Variants in SYT12 observed in about 807,000 individuals in gnomAD.
SYT12 encodes the protein synaptotagmin 12.
Under a neutral mutation model 39.5 loss-of-function variants are expected in SYT12, and 27 were observed. The ratio of observed to expected loss-of-function variants is 0.68; its 90% CI spans 0.50 to 0.94. The LOEUF (loss-of-function observed/expected upper bound fraction) is 0.94. SYT12 is among the 40% of genes least tolerant of loss of function. SYT12 has a pLI of 0.00. For synonymous variants in SYT12, 233 were observed against 239.7 expected (o/e 0.97, Z 0.26); for missense variants, 536 against 572.6 (o/e 0.94, Z 0.65).
At position 67,040,159 on chromosome 11, in the gene SYT12, C is replaced by G; in HGVS notation, c.577C>G (p.Arg193Gly). 1 of 1,599,582 alleles carries G rather than the reference C, an allele frequency of 6.3e-7. No individual in the cohort carries two copies. Residue 193 changes from arginine to glycine, a missense_variant, in exon 4 of 8, where the codon CGC becomes GGC. Arg to Gly is a moderately radical substitution (Grantham distance 125, BLOSUM62 -2). Transcript: ENST00000527043. ...EEASFESCFM[R>G]VSLLPDEQIV... ...GGCCAGCTTCGAGTCCTGCTTCATG[C>G]GCGTCAGCCTGCTGCCGGACGAGCA...
At chr11:67,047,803 T>C (rs1384055577) in intron 7 of SYT12, among the ~76,000 whole-genome samples, 2 of 131,890 alleles carry the variant, frequency 1.5e-5, no homozygotes, top group East Asian at 4.7e-4. Context: ...TTTTTTTTTT[T>C]TTGAGACGGA....
At chr11:67,038,606 G>A (rs908850077) in intron 3 of SYT12, among the ~76,000 whole-genome samples, 1 of 152,184 alleles carries the variant, frequency 6.6e-6, no homozygotes, top group Non-Finnish European at 1.5e-5. Context: ...GGGACACTTA[G>A]ATTGCTAGCT....
intron 3 of SYT12, among the ~76,000 whole-genome samples, chr11:67,035,595 C>G (rs1361942567): frequency 6.7e-6 from 1 of 148,808 alleles, no homozygotes; most frequent in South Asian, 2.1e-4. Flanking sequence ...GTAGCTGGGA[C>G]TACAGGCACC....
At chr11:67,010,928 A>C (rs568942402) in exon 3 of SYT12, 5 of 152,336 alleles carry the variant, frequency 3.3e-5, no homozygotes, top group African/African-American at 1.2e-4. Flanking sequence ...TTTCTCCTAA[A>C]GGCCTCAACC....
At chr11:67,017,601 C>G (rs1009914278) in intron 3 of SYT12, among the ~76,000 whole-genome samples, 4 of 147,346 alleles carry the variant, frequency 2.7e-5, no homozygotes, top group Non-Finnish European at 6.0e-5. Flanking sequence ...ACCTTGTGAT[C>G]TGCCTGCCTC....
In SYT12 at chr11:67,048,985, G is replaced by A. The variant is rs1854666210; in HGVS notation, c.*228G>A. On this transcript the variant is annotated 3_prime_UTR_variant, in exon 8 of 8. Transcript: ENST00000527043. ...CCTGCTGAGGACCAGCTGTGGCTGG[G>A]CCAGGACAGAGGACTCAACCCTGCT... 3.9e-6 allele frequency: 2 copies of A among 507,038 alleles called. No homozygotes were observed. The highest frequency in any genetic ancestry group is 6.8e-5 in the South Asian group (2 of 29,246). The allele number at this position is 507,038 out of a possible 1,614,324, so 31.4% of individuals were successfully genotyped here. A position where few individuals can be genotyped will look rare whatever the true frequency, so the allele number is the denominator to read the frequency against.
At chr11:67,016,510 G>A (rs748984270) in intron 3 of SYT12, among the ~76,000 whole-genome samples, 3 of 152,102 alleles carry the variant, frequency 2.0e-5, no homozygotes, top group South Asian at 2.1e-4. Flanking sequence ...ATCACTTCTC[G>A]GCCAGTTTAC....
chr11:67,028,665 G>A (rs925025565), intron 1 of SYT12: 2 of 152,238 alleles, frequency 1.3e-5, no homozygotes, highest in African/African-American at 2.4e-5. Context: ...AGGATGCTCC[G>A]AGGGGTTGGG....
At chr11:67,040,674 C>T (rs1319531642) in intron 4 of SYT12, among the ~76,000 whole-genome samples, 1 of 151,416 alleles carries the variant, frequency 6.6e-6, no homozygotes, top group African/African-American at 2.4e-5. Flanking sequence ...CCCATCTCTA[C>T]TAAAATACAA....
chr11:67,011,387 C>T (rs1591348191), intron 3 of SYT12, among the ~76,000 whole-genome samples: 1 of 152,180 alleles, frequency 6.6e-6, no homozygotes, highest in African/African-American at 2.4e-5. Context: ...GGATTACAGG[C>T]GCGTGCCACC....
intron 4 of SYT12, among the ~76,000 whole-genome samples, chr11:67,042,005 T>C (rs1440509697): frequency 6.6e-6 from 1 of 152,154 alleles, no homozygotes; most frequent in African/African-American, 2.4e-5. Context: ...GGATAGCCTG[T>C]GAGCAGAGTG....
intron 2 of SYT12, among the ~76,000 whole-genome samples, chr11:67,033,142 C>T (rs1261420812): frequency 1.3e-5 from 2 of 151,470 alleles, no homozygotes; most frequent in Admixed American, 6.6e-5. Context: ...CCCCGGGTCC[C>T]CTCCCTCCCT....
At chr11:67,017,142 C>T (rs988421291) in intron 3 of SYT12, among the ~76,000 whole-genome samples, 2 of 152,132 alleles carry the variant, frequency 1.3e-5, no homozygotes, top group African/African-American at 4.8e-5. Context: ...GCATTTAGCT[C>T]AAGGAAGGAA....
rs151042933 is a variant in SYT12 at position 67,029,978 on chromosome 11, T to G, written c.-23-144T>G. The G allele has an allele frequency of 6.8e-4, 430 of 630,684 alleles. 3 individuals carry two copies. In the East Asian group the frequency reaches 0.012, roughly 17 times the overall value. 39.1% of individuals were successfully genotyped at this position (630,684 alleles called of 1,614,324 possible). A position where few individuals can be genotyped will look rare whatever the true frequency, so the allele number is the denominator to read the frequency against. On this transcript the variant is annotated intron_variant, in intron 1 of 7. Transcript: ENST00000527043. Reference sequence around the variant, plus strand: ...GAGCTTTAAACATCATTTCTTAAAATGCCAAGCCTCCCTTTGGTGGCACTC... The same window carrying G: ...GAGCTTTAAACATCATTTCTTAAAAGGCCAAGCCTCCCTTTGGTGGCACTC...
At chr11:67,046,018 C>A in intron 7 of SYT12, 141 bp downstream of exon 7, 1 of 1,095,566 alleles carries the variant, frequency 9.1e-7, no homozygotes, top group Non-Finnish European at 1.3e-6. Context: ...TTATTGAGTG[C>A]CACTGGGGCC....
At chr11:67,023,638 C>T (rs1269213934) in intron 1 of SYT12, among the ~76,000 whole-genome samples, 178 bp downstream of exon 1, 1 of 152,098 alleles carries the variant, frequency 6.6e-6, no homozygotes, top group Non-Finnish European at 1.5e-5. Flanking sequence ...GCACGCTGGG[C>T]GCCCTTACCC....
intron 7 of SYT12, among the ~76,000 whole-genome samples, chr11:67,048,382 A>C (rs1012048975): frequency 2.0e-5 from 3 of 151,958 alleles, no homozygotes; most frequent in African/African-American, 4.8e-5. Flanking sequence ...GGGCCTAGGC[A>C]GGCCTAGTTC....
intron 3 of SYT12, among the ~76,000 whole-genome samples, chr11:67,017,433 C>T (rs889722870): frequency 6.6e-6 from 1 of 151,320 alleles, no homozygotes; most frequent in Non-Finnish European, 1.5e-5. Flanking sequence ...GAACTAGGCT[C>T]ACTGCAACCT....
intron 1 of SYT12, among the ~76,000 whole-genome samples, chr11:67,024,347 C>T (rs1251497314): frequency 6.6e-6 from 1 of 152,214 alleles, no homozygotes; most frequent in African/African-American, 2.4e-5. Context: ...CCGAAGTTAC[C>T]ACAGCCAGTG....
Sources: allele counts gnomAD v4.1 joint callset (sites outside exome capture counted in the v4.1 genomes callset), GRCh38; gene constraint gnomAD v4.1.1; transcripts MANE v1.5; gene names NCBI Gene and HGNC (gene_info 2026-07-23, HGNC 2026-07-21).